The following CEACAM21 variants were observed in gnomAD, a reference collection of about 807,000 sequenced individuals.
CEACAM21 encodes the protein CEA cell adhesion molecule 21.
A neutral mutation model predicts 33.2 loss-of-function variants in CEACAM21; 38 were observed. The observed-to-expected ratio is 1.14, with a 90% CI of 0.88 to 1.50. The LOEUF (loss-of-function observed/expected upper bound fraction) is 1.50. CEACAM21 is among the 40% of genes most tolerant of loss of function. The pLI is 0.00. For missense variants in CEACAM21, 385 were observed against 364.6 expected (o/e 1.06, Z -0.46); for synonymous variants, 156 against 143.0 (o/e 1.09, Z -0.65).
At chr19:41,578,935 G>A (rs975870942) in intron 2 of CEACAM21, among the ~76,000 whole-genome samples, 4 of 152,194 alleles carry the variant, frequency 2.6e-5, no homozygotes, top group African/African-American at 7.2e-5. Context: ...AAAAAAGAAA[G>A]GAATAATCAT....
chr19:41,568,511 C>T (rs1431742100), intron 2 of CEACAM21, among the ~76,000 whole-genome samples: 2 of 152,198 alleles, frequency 1.3e-5, no homozygotes, highest in Non-Finnish European at 2.9e-5. Flanking sequence ...ATATGAATAT[C>T]CAATTCCCCA....
chr19:41,584,277 C>T (rs782173632), intron 3 of CEACAM21, 70 bp from the exon 4 acceptor site: 162 of 1,315,814 alleles, frequency 1.2e-4, no homozygotes, highest in Non-Finnish European at 1.7e-4. Flanking sequence ...CATGCCCCTG[C>T]CCTGCAAGGC....
upstream of CEACAM21, among the ~76,000 whole-genome samples, chr19:41,571,678 A>T (rs78080285): frequency 4.6e-4 from 70 of 152,178 alleles, no homozygotes; most frequent in African/African-American, 1.7e-3. Flanking sequence ...ATAAGAATCT[A>T]CTCTCCCCCA....
intron 5 of CEACAM21, 140 bp downstream of exon 5, chr19:41,585,635 A>G: frequency 9.0e-7 from 1 of 1,110,570 alleles, no homozygotes; most frequent in Non-Finnish European, 1.3e-6. Context: ...CACACAGGAA[A>G]CCCCAACTGG....
intron 1 of CEACAM21, among the ~76,000 whole-genome samples, chr19:41,553,004 C>T (rs1190791336): frequency 6.7e-6 from 1 of 149,218 alleles, no homozygotes; most frequent in Non-Finnish European, 1.5e-5. Context: ...CAGAGAAATA[C>T]GAATTTAACC....
intron 3 of CEACAM21, 59 bp downstream of exon 3, chr19:41,579,687 G>T (rs2043230619): frequency 1.6e-6 from 2 of 1,234,086 alleles, no homozygotes; most frequent in African/African-American, 3.0e-5. Flanking sequence ...GGAGGGAGGG[G>T]GGGTGTAAAA....
chr19:41,575,186 G>A (rs1317393481), upstream of CEACAM21, among the ~76,000 whole-genome samples: 1 of 152,160 alleles, frequency 6.6e-6, no homozygotes, highest in Non-Finnish European at 1.5e-5. Context: ...GTGGGGCAGG[G>A]GGAAGTGGGG....
At chr19:41,572,061 C>A (rs1383959704), upstream of CEACAM21, among the ~76,000 whole-genome samples, 4 of 151,648 alleles carry the variant, frequency 2.6e-5, no homozygotes, top group East Asian at 7.7e-4. Flanking sequence ...CATTAATATT[C>A]AGAAAGAAGA....
At chr19:41,582,894 C>T (rs2043520660) in intron 3 of CEACAM21, among the ~76,000 whole-genome samples, 2 of 152,218 alleles carry the variant, frequency 1.3e-5, no homozygotes, top group Non-Finnish European at 2.9e-5. Flanking sequence ...ACATTTTGCT[C>T]TTCATTGTTT....
intron 4 of CEACAM21, among the ~76,000 whole-genome samples, 161 bp from the exon 5 acceptor site, chr19:41,585,282 C>T (rs1256411379): frequency 6.6e-6 from 1 of 152,110 alleles, no homozygotes; most frequent in Admixed American, 6.5e-5. Flanking sequence ...AAGGCCTTTC[C>T]TCAACTCCCC....
At chr19:41,577,746 G>A (rs2043059712) in intron 2 of CEACAM21, among the ~76,000 whole-genome samples, 187 bp downstream of exon 2, 2 of 152,186 alleles carry the variant, frequency 1.3e-5, no homozygotes, top group Admixed American at 6.5e-5. Context: ...TCCCTTATCC[G>A]GACTCCGTGG....
At chr19:41,566,123 A>G (rs1447498959) in intron 2 of CEACAM21, among the ~76,000 whole-genome samples, 4 of 152,232 alleles carry the variant, frequency 2.6e-5, no homozygotes, top group African/African-American at 9.6e-5. Flanking sequence ...CCAAGATACA[A>G]TTGAGAAAAT....
At chr19:41,551,704 G>T (rs1445822231) in intron 1 of CEACAM21, 1 of 150,038 alleles carries the variant, frequency 6.7e-6, no homozygotes, top group African/African-American at 2.5e-5. Context: ...AAGCTTCAGG[G>T]GAAATAAAGA....
intron 2 of CEACAM21, among the ~76,000 whole-genome samples, chr19:41,568,955 G>A (rs1406429011): frequency 5.9e-5 from 9 of 152,156 alleles, no homozygotes; most frequent in Admixed American, 3.3e-4. Context: ...CTATTTGTGC[G>A]TGTGTCTTTT....
chr19:41,578,943 C>T (rs1293540373), intron 2 of CEACAM21, among the ~76,000 whole-genome samples: 2 of 152,188 alleles, frequency 1.3e-5, no homozygotes, highest in East Asian at 3.8e-4. Flanking sequence ...AAGGAATAAT[C>T]ATAACCTCTT....
chr19:41,558,001 T>A (rs1555785931), intron 1 of CEACAM21, among the ~76,000 whole-genome samples: 1 of 152,214 alleles, frequency 6.6e-6, no homozygotes, highest in Non-Finnish European at 1.5e-5. Flanking sequence ...GCCAAGAGTT[T>A]CGTCTGGGGA....
Position 41,585,858 on chromosome 19 carries a change from G to C in CEACAM21, c.869G>C (p.Ser290Thr), listed in dbSNP as rs144429222. Residue 290 changes from serine to threonine, a missense_variant, in exon 6 of 7, where the codon AGC (serine) becomes ACC (threonine). Coordinates refer to ENST00000401445, the MANE Select transcript of CEACAM21 (RefSeq NM_001098506.4). ...ASTPGHGPSD[S>T]SIS ...TCCCCAGGCCATGGACCCTCTGACA[G>C]CTCCATCTCCTAGGTAAGACTGTCC... 3.1e-6 allele frequency: 5 copies of C among 1,613,068 alleles called. No homozygotes were observed. The highest frequency in any genetic ancestry group is 3.3e-4 in the Middle Eastern group (2 of 6,062).
At chr19:41,557,765 T>C (rs2041626102) in intron 1 of CEACAM21, among the ~76,000 whole-genome samples, 1 of 152,234 alleles carries the variant, frequency 6.6e-6, no homozygotes, top group Non-Finnish European at 1.5e-5. Context: ...CAACAGGGGA[T>C]ACATCTCTCT....
At position 41,564,331 on chromosome 19, in the gene CEACAM21, ATTAT is replaced by A. The variant is rs60410378; in HGVS notation, c.-778-317_-778-314del. 5.9e-3 allele frequency among the ~76,000 whole-genome samples: 880 copies of A among 148,418 alleles called. 8 individuals are homozygous for A. Among genetic ancestry groups the A allele is most frequent in the African/African-American group, 0.015 (615 of 39,710 alleles). ...ATAAAGACCAAGGAGTGAGTTATTT[ATTAT>A]TTATTTATTTATTTATTTATTTATT... On this transcript the variant is annotated intron_variant, in intron 1 of 7. Coordinates refer to the CEACAM21 transcript ENST00000407170.
Sources: allele counts gnomAD v4.1 joint callset (sites outside exome capture counted in the v4.1 genomes callset), GRCh38; gene constraint gnomAD v4.1.1; transcripts MANE v1.5; gene names NCBI Gene and HGNC (gene_info 2026-07-23, HGNC 2026-07-21).